MFN1: variants seen among roughly 807,000 people sequenced by gnomAD.
MFN1 encodes the protein mitofusin 1.
Under a neutral mutation model 92.4 loss-of-function variants are expected in MFN1, and 65 were observed. That is an observed-to-expected ratio of 0.70 (90% CI 0.58 to 0.86). The LOEUF (loss-of-function observed/expected upper bound fraction) is 0.86. Ranked by LOEUF, MFN1 falls within the 40% of genes least tolerant of loss-of-function variation. The pLI is 0.00. For missense variants in MFN1, 781 were observed against 868.0 expected (o/e 0.90, Z 1.26); for synonymous variants, 297 against 300.9 (o/e 0.99, Z 0.13).
chr3:179,359,057 A>G, intron 4 of MFN1, 55 bp downstream of exon 4: 1 of 1,459,034 alleles, frequency 6.9e-7, no homozygotes, highest in Non-Finnish European at 9.1e-7. Context: ...TCCTGAACTT[A>G]TTCTTTAATA....
rs769118084 is a variant in MFN1 at position 179,358,794 on chromosome 3, T to C, written c.249-46T>C. On this transcript the variant is annotated intron_variant, in intron 3 of 17. Coordinates refer to ENST00000471841, the MANE Select transcript of MFN1 (RefSeq NM_033540.3). ...ATTAGACCCAGTGAAAGAACTACTT[T>C]TTTTACTGTTATGTTTTGTTTTTCA... 3.5e-5 allele frequency: 55 copies of C among 1,558,372 alleles called. No individual in the cohort carries two copies. In the Admixed American group the frequency reaches 4.8e-4, roughly 14 times the overall value.
At chr3:179,381,642 C>T (rs569130317) in intron 14 of MFN1, among the ~76,000 whole-genome samples, 89 of 152,302 alleles carry the variant, frequency 5.8e-4, no homozygotes, top group Non-Finnish European at 1.1e-3. Flanking sequence ...TGCCAAACAA[C>T]CATAGAGTGT....
chr3:179,367,704 C>T, intron 8 of MFN1, 112 bp downstream of exon 8: 4 of 921,992 alleles, frequency 4.3e-6, no homozygotes, highest in Non-Finnish European at 6.1e-6. Context: ...GCGGGCGGAT[C>T]ATGAGGTCAG....
intron 10 of MFN1, among the ~76,000 whole-genome samples, chr3:179,376,565 A>G (rs1431371798): frequency 6.6e-6 from 1 of 152,206 alleles, no homozygotes; most frequent in Non-Finnish European, 1.5e-5. Context: ...TAAATATTCT[A>G]GGCTTTATGG....
intron 2 of MFN1, among the ~76,000 whole-genome samples, chr3:179,349,915 T>A (rs1333348535): frequency 6.6e-6 from 1 of 151,772 alleles, no homozygotes; most frequent in African/African-American, 2.4e-5. Flanking sequence ...ACTTTGGGAG[T>A]CCAAGATCGG....
intron 16 of MFN1, among the ~76,000 whole-genome samples, chr3:179,388,239 G>A (rs1257203282): frequency 2.0e-5 from 3 of 152,130 alleles, no homozygotes; most frequent in Admixed American, 1.3e-4. Flanking sequence ...GAGGTAGCCT[G>A]GCCAAGCAGT....
intron 4 of MFN1, 91 bp downstream of exon 4, chr3:179,359,093 C>A: frequency 7.6e-7 from 1 of 1,313,928 alleles, no homozygotes; most frequent in Admixed American, 2.8e-5. Context: ...GTCTGCATCG[C>A]TGACATCTTA....
At chr3:179,355,101 C>T (rs1307054874) in intron 3 of MFN1, among the ~76,000 whole-genome samples, 4 of 151,966 alleles carry the variant, frequency 2.6e-5, no homozygotes, top group African/African-American at 7.2e-5. Context: ...CCAGCTGGTA[C>T]CTCCCCTTTT....
intron 14 of MFN1, among the ~76,000 whole-genome samples, chr3:179,379,920 A>C (rs901602180): frequency 1.1e-4 from 17 of 152,218 alleles, no homozygotes; most frequent in African/African-American, 3.9e-4. Context: ...GTTAATGAAA[A>C]AAACAAAAAC....
chr3:179,355,433 G>A (rs1276224926), intron 3 of MFN1, among the ~76,000 whole-genome samples: 1 of 152,078 alleles, frequency 6.6e-6, no homozygotes, highest in African/African-American at 2.4e-5. Flanking sequence ...CAGTAGTATA[G>A]GCAGGAAATT....
intron 3 of MFN1, among the ~76,000 whole-genome samples, chr3:179,357,898 T>C (rs1029943148): frequency 1.3e-5 from 2 of 152,056 alleles, no homozygotes; most frequent in African/African-American, 4.8e-5. Flanking sequence ...CAACTGATGG[T>C]TGAAATGATC....
chr3:179,383,461 G>C (rs1713551519), intron 14 of MFN1, among the ~76,000 whole-genome samples: 1 of 152,026 alleles, frequency 6.6e-6, no homozygotes, highest in Non-Finnish European at 1.5e-5. Flanking sequence ...ATGCTGTTTT[G>C]GTTAGTGTTT....
chr3:179,362,629 T>A, intron 5 of MFN1, 147 bp downstream of exon 5: 2 of 671,298 alleles, frequency 3.0e-6, no homozygotes, highest in Non-Finnish European at 4.5e-6. Context: ...TGGTATTGGT[T>A]TTATTTTATA....
rs1334308164 is a variant in MFN1, at chr3:179,351,961, A to C, written c.174A>C (p.Gln58His). ...CTGAAGATGATCTGGTAGAAATGCA[A>C]GGATATAAAGACAAGCTTTCCATCA... is the stretch of plus-strand genomic sequence containing the variant. Reference protein sequence around the residue: ...IATEDDLVEMQGYKDKLSIIG... With the variant: ...IATEDDLVEMHGYKDKLSIIG... Residue 58 changes from glutamine (Q) to histidine (H), a missense_variant, in exon 3 of 18, where the codon CAA (glutamine) becomes CAC (histidine). By Grantham distance (24) the Gln-to-His change is conservative. Coordinates refer to ENST00000471841, the MANE Select transcript of MFN1 (RefSeq NM_033540.3). 1 of 1,611,532 alleles carries C rather than the reference A, an allele frequency of 6.2e-7. No individual in the cohort carries two copies. The highest frequency in any genetic ancestry group is 1.1e-5 in the South Asian group (1 of 90,798).
Position 179,392,293 on chromosome 3 carries a change from C to A in MFN1, c.*234C>A. ...AAAGGCTAAAATCATGAATTAGTTACAAGCAACAGTACCAACTTATGTGAC... is the reference window on the plus strand; with the variant it reads ...AAAGGCTAAAATCATGAATTAGTTAAAAGCAACAGTACCAACTTATGTGAC... On this transcript the variant is annotated 3_prime_UTR_variant, in exon 18 of 18. Coordinates refer to ENST00000471841, the MANE Select transcript of MFN1 (RefSeq NM_033540.3). 1 of 337,732 alleles carries A rather than the reference C, an allele frequency of 3.0e-6. No individual in the cohort carries two copies. The highest frequency in any genetic ancestry group is 4.7e-5 in the Admixed American group (1 of 21,428). The allele number at this position is 337,732 out of a possible 1,614,324, so 20.9% of individuals were successfully genotyped here. A position where few individuals can be genotyped will look rare whatever the true frequency, so the allele number is the denominator to read the frequency against.
At chr3:179,350,293 C>A (rs955691227) in intron 2 of MFN1, among the ~76,000 whole-genome samples, 5 of 151,774 alleles carry the variant, frequency 3.3e-5, no homozygotes, top group African/African-American at 1.2e-4. Flanking sequence ...CCCTCTCTTA[C>A]CATATTTTGA....
intron 14 of MFN1, among the ~76,000 whole-genome samples, chr3:179,380,678 A>G (rs1398667916): frequency 6.6e-6 from 1 of 152,254 alleles, no homozygotes; most frequent in African/African-American, 2.4e-5. Flanking sequence ...CGATCAATGA[A>G]GAGTAAATAC....
In MFN1 at chr3:179,374,014, A is replaced by T. The variant is rs1466745517; in HGVS notation, c.976-1206A>T. The stretch of plus-strand genomic sequence containing the variant: ...AAATGATAAATCATAGTAAATATAT[A>T]TTTATAGGATGGGCGTGGTGGCTCA... On this transcript the variant is annotated intron_variant, in intron 9 of 17. Coordinates refer to ENST00000471841, the MANE Select transcript of MFN1 (RefSeq NM_033540.3). 2.6e-5 allele frequency among the ~76,000 whole-genome samples: 4 copies of T among 151,230 alleles called. No individual in the cohort carries two copies. In the East Asian group the frequency reaches 5.9e-4, roughly 22 times the overall value.
intron 14 of MFN1, among the ~76,000 whole-genome samples, 183 bp downstream of exon 14, chr3:179,378,997 A>C (rs1353979218): frequency 6.6e-6 from 1 of 151,696 alleles, no homozygotes; most frequent in Non-Finnish European, 1.5e-5. Context: ...TAAAGGTCCA[A>C]AATGAAAAAC....
Sources: allele counts gnomAD v4.1 joint callset (sites outside exome capture counted in the v4.1 genomes callset), GRCh38; gene constraint gnomAD v4.1.1; transcripts MANE v1.5; gene names NCBI Gene and HGNC (gene_info 2026-07-23, HGNC 2026-07-21).